The following CACNA1A variants were observed in gnomAD, a reference collection of about 807,000 sequenced individuals.
CACNA1A encodes the protein calcium voltage-gated channel subunit alpha1 A.
In CACNA1A, 57 loss-of-function variants were observed where a neutral mutation model predicts 262.4. The ratio of observed to expected loss-of-function variants is 0.22; its 90% confidence interval spans 0.18 to 0.27. The LOEUF is 0.27. CACNA1A is among the 10% of genes least tolerant of loss of function. CACNA1A has a pLI of 1.00. For missense variants in CACNA1A, 2,526 were observed against 3,562.8 expected (o/e 0.71, Z 7.41); for synonymous variants, 1,431 against 1,419.3 (o/e 1.01, Z -0.18).
chr19:13,437,581 C>G (rs2060633084), intron 3 of CACNA1A, among the ~76,000 whole-genome samples: 1 of 150,278 alleles, frequency 6.7e-6, no homozygotes, highest in South Asian at 2.1e-4. Context: ...ATCCCAGCTA[C>G]TCAGGAGGCT....
chr19:13,484,660 C>A (rs1024589723), intron 1 of CACNA1A, among the ~76,000 whole-genome samples: 1 of 152,192 alleles, frequency 6.6e-6, no homozygotes, highest in African/African-American at 2.4e-5. Context: ...TGGAACTATT[C>A]ACAGACATAA....
At chr19:13,267,973 G>C (rs1002625348) in intron 24 of CACNA1A, among the ~76,000 whole-genome samples, 22 of 151,866 alleles carry the variant, frequency 1.4e-4, no homozygotes, top group African/African-American at 4.8e-4. Context: ...ATGTTGCTCA[G>C]GCTGGTCTCA....
chr19:13,235,671 A>T lies in CACNA1A; in HGVS notation c.5010T>A (p.Leu1670=). 2 of 1,613,946 alleles carry T rather than the reference A, an allele frequency of 1.2e-6. No individual in the cohort carries two copies. The highest frequency in any genetic ancestry group is 1.7e-6 in the Non-Finnish European group (2 of 1,179,868). The change falls in exon 32 of 47, where the codon CTT becomes CTA. Residue 1670 remains leucine (L), a synonymous_variant. Transcript: ENST00000360228. ...RLFRAARLIK[L]LRQGYTIRIL... is the part of the protein sequence containing the mutation. ...TGCGGATGGTGTAACCCTGACGGAG[A>T]AGTTTGATGAGCCGGGCAGCTCGGA...
At chr19:13,359,570 C>CT (rs1373634425) in intron 6 of CACNA1A, 36 bp downstream of exon 6, 2 of 1,553,106 alleles carry the variant, frequency 1.3e-6, no homozygotes, top group South Asian at 1.2e-5. Flanking sequence ...CCCTGAGACT[C>CT]TGATTGTCCA....
intron 1 of CACNA1A, among the ~76,000 whole-genome samples, chr19:13,463,645 G>C (rs1351362337): frequency 6.6e-6 from 1 of 151,858 alleles, no homozygotes; most frequent in African/African-American, 2.4e-5. Context: ...TCACATACAG[G>C]GTAGAGGCAA....
chr19:13,307,680 G>A, intron 15 of CACNA1A, 102 bp downstream of exon 15: 1 of 900,818 alleles, frequency 1.1e-6, no homozygotes, highest in Non-Finnish European at 1.8e-6. Context: ...AAAAGGCCAG[G>A]TAGAGAAGGA....
chr19:13,247,692 T>C (rs2056281109), intron 30 of CACNA1A, among the ~76,000 whole-genome samples: 1 of 114,800 alleles, frequency 8.7e-6, no homozygotes, highest in Non-Finnish European at 1.8e-5. Flanking sequence ...AGAGCGAGAC[T>C]CCGTCAAAAA....
intron 31 of CACNA1A, among the ~76,000 whole-genome samples, chr19:13,239,411 G>C (rs368972198): frequency 6.6e-6 from 1 of 152,150 alleles, no homozygotes; most frequent in South Asian, 2.1e-4. Context: ...CGCAGTGCAG[G>C]TATAATTTTA....
chr19:13,248,169 A>T (rs1385401114), intron 30 of CACNA1A, among the ~76,000 whole-genome samples: 1 of 151,934 alleles, frequency 6.6e-6, no homozygotes, highest in East Asian at 1.9e-4. Flanking sequence ...CTTCTGGGGG[A>T]GTCCAAACAA....
intron 1 of CACNA1A, among the ~76,000 whole-genome samples, chr19:13,502,261 T>C (rs1982472290): frequency 6.6e-6 from 1 of 152,124 alleles, no homozygotes; most frequent in Non-Finnish European, 1.5e-5. Flanking sequence ...GGTGTCTTGT[T>C]AAGATTTCTG....
intron 37 of CACNA1A, chr19:13,226,145 A>G (rs937923223): frequency 5.3e-5 from 8 of 151,036 alleles, no homozygotes; most frequent in Non-Finnish European, 8.8e-5. Context: ...TTATGGACCC[A>G]TGGTGGTCCT....
chr19:13,286,981 T>A lies in CACNA1A; in HGVS notation c.3090-15A>T. On this transcript the variant is annotated splice_polypyrimidine_tract_variant and intron_variant, in intron 19 of 46. Coordinates refer to ENST00000360228, the MANE Select transcript of CACNA1A (RefSeq NM_001127222.2). ...CCTGGTTCTCTCTGAGGAAGGCAAG[T>A]GAATGAAAAAGAACCAACAACTGAT... The A allele has an allele frequency of 6.4e-7, 1 of 1,552,158 alleles. No homozygotes were observed. Among genetic ancestry groups the A allele is most frequent in the Admixed American group, 2.0e-5 (1 of 51,090 alleles).
chr19:13,376,685 ACAT>A (rs2059412436), intron 3 of CACNA1A, among the ~76,000 whole-genome samples: 2 of 147,686 alleles, frequency 1.4e-5, no homozygotes, highest in Non-Finnish European at 1.5e-5. Flanking sequence ...GATACACTAC[ACAT>A]AATATATGTT....
chr19:13,471,604 AG>A (rs2061348073), intron 1 of CACNA1A, among the ~76,000 whole-genome samples: 1 of 152,222 alleles, frequency 6.6e-6, no homozygotes, highest in Admixed American at 6.5e-5. Context: ...TAGACTCCAA[AG>A]TGGTCTATCC....
intron 1 of CACNA1A, among the ~76,000 whole-genome samples, chr19:13,461,986 T>C (rs905084193): frequency 1.3e-5 from 2 of 152,120 alleles, no homozygotes; most frequent in African/African-American, 4.8e-5. Flanking sequence ...AGAGAGAGGC[T>C]GTATGTGACC....
intron 3 of CACNA1A, among the ~76,000 whole-genome samples, chr19:13,375,936 T>C (rs1050699408): frequency 6.6e-6 from 1 of 152,196 alleles, no homozygotes; most frequent in African/African-American, 2.4e-5. Context: ...CTTGCTGACA[T>C]GGAGAAAGTT....
chr19:13,321,235 T>TG (rs1183792330), intron 10 of CACNA1A, among the ~76,000 whole-genome samples: 4 of 152,126 alleles, frequency 2.6e-5, no homozygotes, highest in Non-Finnish European at 5.9e-5. Context: ...TGTTTTGCCA[T>TG]GTTGGTCAGG....
chr19:13,272,296 C>G (rs1438175207), intron 24 of CACNA1A: 1 of 152,264 alleles, frequency 6.6e-6, no homozygotes, highest in Non-Finnish European at 1.5e-5. Context: ...ATATTCACCC[C>G]ACTGCCTGCC....
chr19:13,501,633 C>A lies in CACNA1A; in HGVS notation c.293+4299G>T, dbSNP rs117279617. Among the ~76,000 whole-genome samples, 450 of 152,264 alleles carry A rather than the reference C, an allele frequency of 3.0e-3. 1 individual carries two copies. The highest frequency in any genetic ancestry group is 5.9e-3 in the Admixed American group (90 of 15,298). On this transcript the variant is annotated intron_variant, in intron 1 of 46. Coordinates refer to ENST00000360228, the MANE Select transcript of CACNA1A (RefSeq NM_001127222.2). ...CAGACCCCACCCAAATCCTGCTGGA[C>A]CAGAACCATCCTGTTAACAAGACAA... is the stretch of plus-strand genomic sequence containing the variant.
Sources: gnomAD v4.1 joint callset for allele counts (sites outside exome capture counted in the v4.1 genomes callset) on GRCh38, gnomAD v4.1.1 for gene constraint, MANE v1.5 for transcripts, NCBI Gene and HGNC (gene_info 2026-07-23, HGNC 2026-07-21) for gene names.